Variants in NFYC observed in about 807,000 individuals in gnomAD.
NFYC encodes the protein CAAT box DNA-binding protein subunit C.
NFYC carries 25 observed loss-of-function variants against 53.1 expected under a neutral mutation model. The ratio of observed to expected loss-of-function variants is 0.47; its 90% CI spans 0.34 to 0.66. The LOEUF is 0.66. NFYC is among the 30% of genes least tolerant of loss of function. The probability of loss-of-function intolerance (pLI) is 0.01; values close to 1 mark genes in which losing one functional copy is unlikely to be tolerated. For synonymous variants in NFYC, 145 were observed against 152.6 expected, an observed-to-expected ratio of 0.95 and a Z score of 0.37; for missense variants, 260 against 422.7, an observed-to-expected ratio of 0.62 and a Z score of 3.38.
At chr1:40,746,621 A>G (rs1467172899) in intron 2 of NFYC, among the ~76,000 whole-genome samples, 1 of 152,204 alleles carries the variant, frequency 6.6e-6, no homozygotes, top group Non-Finnish European at 1.5e-5. Flanking sequence ...GATTTTGCTG[A>G]TTTTAGCTAA....
At chr1:40,757,429 T>G in intron 5 of NFYC, 2 of 505,662 alleles carry the variant, frequency 4.0e-6, no homozygotes, top group Non-Finnish European at 8.2e-6. Context: ...GAATGCGACC[T>G]CCCTAATCAG....
intron 2 of NFYC, among the ~76,000 whole-genome samples, chr1:40,741,758 A>G (rs1570575886): frequency 6.6e-6 from 1 of 152,050 alleles, no homozygotes; most frequent in African/African-American, 2.4e-5. Context: ...GCACGCCACC[A>G]CACCCAGCTA....
chr1:40,749,927 A>G (rs568262746), intron 4 of NFYC, among the ~76,000 whole-genome samples: 46 of 152,202 alleles, frequency 3.0e-4, no homozygotes, highest in African/African-American at 9.2e-4. Flanking sequence ...ATCTTAATCA[A>G]TTCTCTCCTG....
intron 1 of NFYC, among the ~76,000 whole-genome samples, chr1:40,732,431 G>A (rs1249078839): frequency 6.6e-6 from 1 of 152,230 alleles, no homozygotes; most frequent in Non-Finnish European, 1.5e-5. Flanking sequence ...GAGCTTGAAA[G>A]ATTTCCAAAC....
intron 1 of NFYC, among the ~76,000 whole-genome samples, chr1:40,707,831 C>T (rs1377326848): frequency 7.3e-6 from 1 of 137,222 alleles, no homozygotes; most frequent in African/African-American, 2.8e-5. Flanking sequence ...GCTTCGGTGA[C>T]AGAGCCAGAC....
chr1:40,757,787 A>G (rs1646309801), intron 5 of NFYC, among the ~76,000 whole-genome samples: 1 of 152,208 alleles, frequency 6.6e-6, no homozygotes, highest in Admixed American at 6.5e-5. Context: ...CTCAGATCAC[A>G]GGCCTTGACA....
chr1:40,753,290 T>C (rs1557884357), intron 5 of NFYC, 44 bp downstream of exon 5: 1 of 1,333,606 alleles, frequency 7.5e-7, no homozygotes, highest in Non-Finnish European at 1.1e-6. Context: ...TGAAGAGCGC[T>C]TTGTATACTG....
intron 1 of NFYC, chr1:40,712,854 T>A (rs1467958836): frequency 6.6e-6 from 1 of 151,728 alleles, no homozygotes; most frequent in African/African-American, 2.4e-5. Context: ...AATTTTTTTT[T>A]ATTTATTTAT....
chr1:40,767,428 T>A (rs888354181), intron 8 of NFYC, among the ~76,000 whole-genome samples: 2 of 152,088 alleles, frequency 1.3e-5, no homozygotes, highest in Non-Finnish European at 2.9e-5. Flanking sequence ...TCTCCAAAGA[T>A]CTCATTTGGG....
chr1:40,720,406 C>G (rs1165878420), intron 1 of NFYC, among the ~76,000 whole-genome samples: 2 of 152,202 alleles, frequency 1.3e-5, no homozygotes, highest in African/African-American at 4.8e-5. Flanking sequence ...AGATAATTGT[C>G]TACATTTTCC....
intron 3 of NFYC, among the ~76,000 whole-genome samples, chr1:40,748,078 T>G (rs1027009362): frequency 1.7e-4 from 26 of 151,990 alleles, no homozygotes; most frequent in Admixed American, 5.9e-4. Context: ...TCAGGTGATA[T>G]GCCTGCCTCT....
In NFYC at chr1:40,770,354, A is replaced by G. The variant is rs1184938137; in HGVS notation, c.889-355A>G. 1 of 1,511,700 alleles carries G rather than the reference A, an allele frequency of 6.6e-7. No homozygotes were observed. Among genetic ancestry groups the G allele is most frequent in the Non-Finnish European group, 8.9e-7 (1 of 1,121,994 alleles). The allele number at this position is 1,511,700 out of a possible 1,614,324, so 93.6% of individuals were successfully genotyped here. On this transcript the variant is annotated intron_variant, in intron 9 of 9. Coordinates refer to ENST00000447388, the MANE Select transcript of NFYC (RefSeq NM_014223.5). The surrounding 1 kb of genome is among the most constrained non-coding windows in gnomAD (Gnocchi z 5.3). The stretch of plus-strand genomic sequence containing the variant: ...AAGAGTTGGGGAAATGCTGACTTCC[A>G]AGCTGCTGGTACAGTGGTTCGAATT...
intron 7 of NFYC, among the ~76,000 whole-genome samples, chr1:40,763,956 A>G (rs1003374933): frequency 2.0e-5 from 3 of 152,254 alleles, no homozygotes; most frequent in Admixed American, 2.0e-4. Flanking sequence ...TTCATGAGTC[A>G]GTTCCCAGTG....
Position 40,770,533 on chromosome 1 carries a change from C to T in NFYC, c.889-176C>T. Reference sequence around the variant, plus strand: ...CACCCCCCCTCACACCGGGCTGGTGCCTCCTGTGTCTGCTGCTCCCAACCC... The same window carrying T: ...CACCCCCCCTCACACCGGGCTGGTGTCTCCTGTGTCTGCTGCTCCCAACCC... On this transcript the variant is annotated intron_variant, in intron 9 of 9. Coordinates refer to ENST00000447388, the MANE Select transcript of NFYC (RefSeq NM_014223.5). The surrounding 1 kb of genome is among the most constrained non-coding windows in gnomAD (Gnocchi z 5.3). 1.9e-6 allele frequency: 3 copies of T among 1,566,984 alleles called. No individual in the cohort carries two copies. Among genetic ancestry groups the T allele is most frequent in the Non-Finnish European group, 2.6e-6 (3 of 1,155,724 alleles).
intron 1 of NFYC, 122 bp from the exon 2 acceptor site, chr1:40,738,714 C>A: frequency 1.5e-6 from 1 of 676,178 alleles, no homozygotes. Flanking sequence ...AATTATATAC[C>A]TTATCAAACT....
intron 1 of NFYC, among the ~76,000 whole-genome samples, chr1:40,714,414 A>G (rs1178296338): frequency 6.6e-6 from 1 of 152,222 alleles, no homozygotes; most frequent in Non-Finnish European, 1.5e-5. Flanking sequence ...TTGATAGACC[A>G]TGATATACTT....
At chr1:40,728,371 C>T (rs1570468567) in intron 1 of NFYC, among the ~76,000 whole-genome samples, 2 of 151,888 alleles carry the variant, frequency 1.3e-5, no homozygotes, top group South Asian at 4.2e-4. Context: ...CTGAGGCGGG[C>T]GGATTACTTG....
chr1:40,768,072 A>G (rs1646909288), intron 8 of NFYC, among the ~76,000 whole-genome samples: 1 of 152,234 alleles, frequency 6.6e-6, no homozygotes, highest in Admixed American at 6.5e-5. Flanking sequence ...AGCTGAAGGC[A>G]ATGAAAATCT....
intron 6 of NFYC, among the ~76,000 whole-genome samples, chr1:40,759,137 C>T (rs1646393522): frequency 6.6e-6 from 1 of 151,562 alleles, no homozygotes; most frequent in Admixed American, 6.6e-5. Flanking sequence ...TTTGGGAGGC[C>T]AATGTGGGAG....
Sources: allele counts gnomAD v4.1 joint callset (sites outside exome capture counted in the v4.1 genomes callset), GRCh38; gene constraint gnomAD v4.1.1; non-coding constraint Gnocchi (gnomAD v3.1); transcripts MANE v1.5; gene names NCBI Gene and HGNC (gene_info 2026-07-23, HGNC 2026-07-21).